The following UTS2 variants were observed in gnomAD, a reference collection of about 807,000 sequenced individuals.
The protein encoded by UTS2 is urotensin 2.
UTS2 carries 10 observed loss-of-function variants against 12.6 expected under a neutral mutation model. That is an observed-to-expected ratio of 0.80 (90% CI 0.49 to 1.35). UTS2 has a LOEUF of 1.35. UTS2 is among the 40% of genes most tolerant of loss of function. The probability of loss-of-function intolerance (pLI) is 0.00; values close to 1 mark genes in which losing one functional copy is unlikely to be tolerated. For synonymous variants in UTS2, 52 were observed against 50.0 expected (o/e 1.04, Z -0.17); for missense variants, 142 against 143.2 (o/e 0.99, Z 0.04).
At chr1:7,850,790 AT>A in intron 2 of UTS2, 21 bp downstream of exon 2, 1 of 1,610,716 alleles carries the variant, frequency 6.2e-7, no homozygotes, top group African/African-American at 1.3e-5. Context: ...CAGACACGCT[AT>A]AAACATGAGA....
chr1:7,877,475 C>T, the UTS2 span, among the ~76,000 whole-genome samples: 1 of 152,168 alleles, frequency 6.6e-6, no homozygotes, highest in Admixed American at 6.5e-5. Flanking sequence ...ATACAACTTA[C>T]AGCTTCAACA....
the UTS2 span, among the ~76,000 whole-genome samples, chr1:7,876,255 A>G: frequency 6.6e-6 from 1 of 152,008 alleles, no homozygotes; most frequent in East Asian, 1.9e-4. Context: ...ATGTGCTTAC[A>G]CCACGGGGGA....
chr1:7,849,589 A>G (rs1223728240), intron 3 of UTS2, 51 bp downstream of exon 3: 8 of 1,480,496 alleles, frequency 5.4e-6, no homozygotes, highest in Non-Finnish European at 6.5e-6. Flanking sequence ...CTGTAAAACC[A>G]GTACAGAATG....
chr1:7,853,526 C>G, upstream of UTS2: 1 of 1,495,356 alleles, frequency 6.7e-7, no homozygotes, highest in South Asian at 1.3e-5. Context: ...AAACGTAAAA[C>G]CAGCTATTTC....
chr1:7,908,634 C>T, the UTS2 span, among the ~76,000 whole-genome samples: 9 of 151,932 alleles, frequency 5.9e-5, no homozygotes, highest in Middle Eastern at 3.4e-3. Context: ...TGTGGCTCTG[C>T]GTCATTGATT....
the UTS2 span, among the ~76,000 whole-genome samples, chr1:7,887,592 C>CAAAAAAAAAAAAA: frequency 3.2e-5 from 2 of 62,426 alleles, no homozygotes; most frequent in African/African-American, 1.3e-4. Flanking sequence ...CCAGTCTCTA[C>CAAAAAAAAAAAAA]AAAAAAAAAA....
the UTS2 span, among the ~76,000 whole-genome samples, chr1:7,863,095 AT>A: frequency 8.1e-6 from 1 of 123,656 alleles, no homozygotes; most frequent in African/African-American, 3.4e-5. Flanking sequence ...ATTGTATTGT[AT>A]TGTATTGTAT....
At chr1:7,879,109 A>G in the UTS2 span, among the ~76,000 whole-genome samples, 1 of 152,236 alleles carries the variant, frequency 6.6e-6, no homozygotes, top group Non-Finnish European at 1.5e-5. Context: ...TCATCTAGAC[A>G]GAAAATCAAC....
chr1:7,889,459 A>AAAAAG, the UTS2 span, among the ~76,000 whole-genome samples: 12 of 147,192 alleles, frequency 8.2e-5, no homozygotes, highest in African/African-American at 3.1e-4. Context: ...AAAAAAAAAA[A>AAAAAG]AAAAGAAAAG....
chr1:7,892,746 C>T, the UTS2 span, among the ~76,000 whole-genome samples: 1 of 151,940 alleles, frequency 6.6e-6, no homozygotes, highest in Non-Finnish European at 1.5e-5. Context: ...CTCGGTCTCC[C>T]AAAGTGCTGG....
At chr1:7,897,299 A>T in the UTS2 span, among the ~76,000 whole-genome samples, 1 of 152,168 alleles carries the variant, frequency 6.6e-6, no homozygotes, top group East Asian at 1.9e-4. Flanking sequence ...AAATTACTAC[A>T]TCTTTTAATG....
At chr1:7,885,208 C>A in the UTS2 span, among the ~76,000 whole-genome samples, 1 of 152,132 alleles carries the variant, frequency 6.6e-6, no homozygotes, top group Non-Finnish European at 1.5e-5. Flanking sequence ...GGAAAGGGAC[C>A]AAAAGGGAAC....
the UTS2 span, among the ~76,000 whole-genome samples, chr1:7,858,703 C>T: frequency 6.6e-6 from 1 of 152,176 alleles, no homozygotes; most frequent in Non-Finnish European, 1.5e-5. Flanking sequence ...CACGCTTCAG[C>T]CTCCCAAGTA....
chr1:7,891,548 G>GAAAGAAAA, the UTS2 span, among the ~76,000 whole-genome samples: 7 of 141,138 alleles, frequency 5.0e-5, no homozygotes, highest in African/African-American at 1.6e-4. Flanking sequence ...AAGAAAGAAA[G>GAAAGAAAA]AAAGAAAGAA....
the UTS2 span, among the ~76,000 whole-genome samples, chr1:7,904,313 A>ATT: frequency 0.011 from 1,622 of 150,068 alleles, 37 homozygotes; most frequent in African/African-American, 0.039. Flanking sequence ...AAAAAATAAA[A>ATT]AAAAAAAAAA....
the UTS2 span, among the ~76,000 whole-genome samples, chr1:7,874,905 C>T: frequency 6.6e-6 from 1 of 152,150 alleles, no homozygotes; most frequent in African/African-American, 2.4e-5. Flanking sequence ...ACACTCTCTC[C>T]TGTCGCCATG....
At chr1:7,854,373 T>G (rs1198782425), upstream of UTS2, among the ~76,000 whole-genome samples, 1 of 142,882 alleles carries the variant, frequency 7.0e-6, no homozygotes, top group African/African-American at 2.6e-5. Context: ...GGAGAAACAC[T>G]GTCTCTACCA....
chr1:7,863,071 T>C, the UTS2 span, among the ~76,000 whole-genome samples: 1 of 100,780 alleles, frequency 9.9e-6, no homozygotes. Flanking sequence ...TTGTATTGTA[T>C]TGTATTGTAT....
chr1:7,857,735 G>C (rs1442243566), upstream of UTS2, among the ~76,000 whole-genome samples: 8 of 151,552 alleles, frequency 5.3e-5, no homozygotes, highest in Admixed American at 5.3e-4. Flanking sequence ...CTGTGGTCTG[G>C]GCCACTTGGG....
Sources: allele counts gnomAD v4.1 joint callset (sites outside exome capture counted in the v4.1 genomes callset), GRCh38; gene constraint gnomAD v4.1.1; transcripts MANE v1.5; gene names NCBI Gene and HGNC (gene_info 2026-07-23, HGNC 2026-07-21).